Variants in PTPRN2 observed in about 807,000 individuals in gnomAD.
The protein encoded by PTPRN2 is protein tyrosine phosphatase receptor type N2.
A neutral mutation model predicts 118.8 loss-of-function variants in PTPRN2; 74 were observed. The observed-to-expected ratio is 0.62, with a 90% CI of 0.52 to 0.76. PTPRN2 has a LOEUF of 0.76. PTPRN2 is among the 30% of genes least tolerant of loss of function. PTPRN2 has a pLI of 0.00. For missense variants in PTPRN2, 1,481 were observed against 1,394.4 expected (o/e 1.06, Z -0.99); for synonymous variants, 641 against 608.0 (o/e 1.05, Z -0.80).
At chr7:157,760,170 A>G (rs1200506572) in intron 12 of PTPRN2, among the ~76,000 whole-genome samples, 3 of 151,970 alleles carry the variant, frequency 2.0e-5, no homozygotes. Flanking sequence ...CTCTCTAACA[A>G]ACATCCCCCA....
chr7:157,796,266 C>T (rs1804862696), intron 12 of PTPRN2, among the ~76,000 whole-genome samples: 1 of 152,246 alleles, frequency 6.6e-6, no homozygotes, highest in African/African-American at 2.4e-5. Context: ...TCCCGGTGAA[C>T]TTTCCCAACT....
In PTPRN2 at chr7:157,539,651, T is replaced by A. The variant is rs1216030752; in HGVS notation, c.*1063A>T. On this transcript the variant is annotated 3_prime_UTR_variant, in exon 23 of 23. Coordinates refer to ENST00000389418, the MANE Select transcript of PTPRN2 (RefSeq NM_002847.5). Reference sequence around the variant, plus strand: ...AGAGGGGCAGGGCCGGTCGGCTGGTTTCTCACTTCCCTTCCAGGCTCTACG... The same window carrying A: ...AGAGGGGCAGGGCCGGTCGGCTGGTATCTCACTTCCCTTCCAGGCTCTACG... 1.3e-5 allele frequency: 2 copies of A among 152,166 alleles called. No individual in the cohort carries two copies. Among genetic ancestry groups the A allele is most frequent in the Non-Finnish European group, 2.9e-5 (2 of 68,096 alleles). The allele number at this position is 152,166 out of a possible 1,614,324, so 9.4% of individuals were successfully genotyped here.
intron 2 of PTPRN2, among the ~76,000 whole-genome samples, chr7:158,364,322 C>T (rs1264517685): frequency 2.7e-5 from 4 of 146,718 alleles, no homozygotes; most frequent in African/African-American, 1.0e-4. Flanking sequence ...GCAGAGCCCC[C>T]ATCCTCACTT....
chr7:158,100,385 C>T lies in PTPRN2; in HGVS notation c.1643+10444G>A, dbSNP rs113397139. On this transcript the variant is annotated intron_variant, in intron 10 of 22. Coordinates refer to ENST00000389418, the MANE Select transcript of PTPRN2 (RefSeq NM_002847.5). ...TAAACGTGTGTGCAAATATCTTTCT[C>T]GTATAATGACTTCTTGTCCTCCAGG... is the stretch of plus-strand genomic sequence containing the variant. Among the ~76,000 whole-genome samples the T allele has an allele frequency of 4.8e-3, 730 of 152,128 alleles. 7 individuals carry two copies. Among genetic ancestry groups the T allele is most frequent in the African/African-American group, 0.016 (648 of 41,500 alleles).
chr7:157,801,308 C>T lies in PTPRN2; in HGVS notation c.1788+97365G>A, dbSNP rs563911924. ...GTCTCTCGACCCCTGTTAGGAGCAA[C>T]GGCGGTGAGGCAGGATGAACGGCCT... On this transcript the variant is annotated intron_variant, in intron 12 of 22. Transcript: ENST00000389418. The surrounding 1 kb of genome is among the most constrained non-coding windows in gnomAD (Gnocchi z 4.2). Among the ~76,000 whole-genome samples the T allele has an allele frequency of 1.2e-3, 177 of 152,270 alleles. 1 individual carries two copies. The highest frequency in any genetic ancestry group is 4.2e-3 in the African/African-American group (175 of 41,538).
chr7:158,417,435 G>A (rs916811656), intron 2 of PTPRN2, among the ~76,000 whole-genome samples: 27 of 150,636 alleles, frequency 1.8e-4, no homozygotes, highest in Non-Finnish European at 3.1e-4. Context: ...ACATCGAGAT[G>A]CTGTAGCTTT....
At chr7:157,724,663 ATC>A (rs1799427307) in intron 12 of PTPRN2, among the ~76,000 whole-genome samples, 1 of 152,198 alleles carries the variant, frequency 6.6e-6, no homozygotes, top group Non-Finnish European at 1.5e-5. Context: ...GGGCGAAACC[ATC>A]TCTCACAAAG....
At chr7:158,468,457 A>G (rs1819542629) in intron 2 of PTPRN2, among the ~76,000 whole-genome samples, 1 of 152,242 alleles carries the variant, frequency 6.6e-6, no homozygotes, top group South Asian at 2.1e-4. Flanking sequence ...AAAGGACGGC[A>G]AAGCCTGGGT....
intron 11 of PTPRN2, among the ~76,000 whole-genome samples, chr7:157,989,893 C>A (rs1364010624): frequency 6.6e-6 from 1 of 152,208 alleles, no homozygotes; most frequent in East Asian, 1.9e-4. Flanking sequence ...CCGCATCCCA[C>A]CCCGCCCTGC....
At chr7:157,906,527 G>A (rs576644561) in intron 11 of PTPRN2, among the ~76,000 whole-genome samples, 1 of 152,192 alleles carries the variant, frequency 6.6e-6, no homozygotes, top group African/African-American at 2.4e-5. Context: ...GGACAATCCC[G>A]GACTGGGCTC....
intron 14 of PTPRN2, among the ~76,000 whole-genome samples, chr7:157,640,701 A>G (rs1282251100): frequency 6.6e-6 from 1 of 152,196 alleles, no homozygotes; most frequent in Non-Finnish European, 1.5e-5. Flanking sequence ...CTGGCACACA[A>G]AGGAACCACC....
chr7:157,935,659 A>C (rs10231729), intron 11 of PTPRN2, among the ~76,000 whole-genome samples: 5,343 of 152,278 alleles, frequency 0.035, 282 homozygotes, highest in African/African-American at 0.11. Flanking sequence ...CCTGTTTCTT[A>C]ACATGTTTAG....
intron 6 of PTPRN2, among the ~76,000 whole-genome samples, chr7:158,147,013 C>G (rs1820150395): frequency 9.0e-5 from 1 of 11,092 alleles, no homozygotes. Context: ...TCTCACGCCA[C>G]GTGTCTTTCC....
At chr7:157,750,517 G>C (rs957005033) in intron 12 of PTPRN2, among the ~76,000 whole-genome samples, 1 of 152,226 alleles carries the variant, frequency 6.6e-6, no homozygotes, top group Non-Finnish European at 1.5e-5. Flanking sequence ...ACATGGAGCT[G>C]CTGGAGACCC....
At chr7:157,621,830 C>G (rs561058242) in intron 14 of PTPRN2, among the ~76,000 whole-genome samples, 1 of 152,176 alleles carries the variant, frequency 6.6e-6, no homozygotes, top group South Asian at 2.1e-4. Flanking sequence ...ACCAAGCTCT[C>G]GGTGGGGCTG....
At chr7:157,984,942 C>T (rs1457567889) in intron 11 of PTPRN2, among the ~76,000 whole-genome samples, 1 of 152,174 alleles carries the variant, frequency 6.6e-6, no homozygotes, top group Non-Finnish European at 1.5e-5. Flanking sequence ...CTTCCCCACC[C>T]CGTGCTGCTC....
intron 2 of PTPRN2, among the ~76,000 whole-genome samples, chr7:158,329,869 CGTCTGACTGAGAAAATGCG>C (rs1804015100): frequency 1.3e-5 from 2 of 152,102 alleles, no homozygotes; most frequent in African/African-American, 2.4e-5. Context: ...TAGATGCCAG[CGTCTGACTGAGAAAATGCG>C]GTCACCATAG....
chr7:157,772,206 G>A (rs983082121), intron 12 of PTPRN2, among the ~76,000 whole-genome samples: 1 of 145,306 alleles, frequency 6.9e-6, no homozygotes, highest in Non-Finnish European at 1.5e-5. Context: ...TACATACACA[G>A]AGACACACAT....
intron 1 of PTPRN2, among the ~76,000 whole-genome samples, chr7:158,538,300 C>T (rs1354564175): frequency 6.6e-6 from 1 of 152,244 alleles, no homozygotes; most frequent in Non-Finnish European, 1.5e-5. Context: ...CGTCCGGTGA[C>T]TGGCGCACGC....
Sources: gnomAD v4.1 joint callset for allele counts (sites outside exome capture counted in the v4.1 genomes callset) on GRCh38, gnomAD v4.1.1 for gene constraint, Gnocchi (gnomAD v3.1) non-coding constraint, MANE v1.5 for transcripts, NCBI Gene and HGNC (gene_info 2026-07-23, HGNC 2026-07-21) for gene names.